Variants in B3GALT1 observed in about 807,000 individuals in gnomAD.
The protein encoded by B3GALT1 is beta-1,3-galactosyltransferase 1, also known as UDP-Gal:betaGlcNAc beta 1,3-galactosyltransferase, polypeptide 1.
In B3GALT1, 10 loss-of-function variants were observed where a neutral mutation model predicts 23.2. That is an observed-to-expected ratio of 0.43 (90% CI 0.27 to 0.73). The LOEUF is 0.73. Among genes scored for constraint, B3GALT1 ranks in the 30% least tolerant of loss-of-function variants. B3GALT1 has a pLI of 0.21. For synonymous variants in B3GALT1, 156 were observed against 141.5 expected (o/e 1.10, Z -0.73); for missense variants, 299 against 405.4 (o/e 0.74, Z 2.25).
At chr2:167,596,630 C>T (rs185666978) in intron 2 of B3GALT1, among the ~76,000 whole-genome samples, 24 of 152,078 alleles carry the variant, frequency 1.6e-4, no homozygotes, top group African/African-American at 3.6e-4. Context: ...CTAATTTCTC[C>T]GTCTCTTAAG....
intron 3 of B3GALT1, among the ~76,000 whole-genome samples, chr2:167,742,279 T>C (rs55746385): frequency 0.1 from 15,147 of 152,230 alleles, 1,021 homozygotes; most frequent in Middle Eastern, 0.2. Flanking sequence ...CTTGGCTGTT[T>C]CCTGCCTGAT....
Position 167,823,278 on chromosome 2 carries a change from TGG to T in B3GALT1, c.-230+4486_-230+4487del, listed in dbSNP as rs1228918959. ...GGCTTATTTGTTACAGCTGCTGGTG[TGG>T]ACCTAACAGAGAGTATGCATCTTTC... On this transcript the variant is annotated intron_variant, in intron 4 of 4. Transcript: ENST00000392690. 4.6e-5 allele frequency among the ~76,000 whole-genome samples: 7 copies of T among 152,330 alleles called. No individual in the cohort carries two copies. The East Asian group carries it at 1.3e-3, about 29-fold the overall frequency.
At chr2:167,583,050 C>T (rs73026076) in intron 2 of B3GALT1, among the ~76,000 whole-genome samples, 5,412 of 152,274 alleles carry the variant, frequency 0.036, 348 homozygotes, top group African/African-American at 0.12. Context: ...TACCCCACAC[C>T]ACAGTCTTTT....
chr2:167,861,176 T>C (rs1372737832), intron 4 of B3GALT1, among the ~76,000 whole-genome samples: 1 of 152,216 alleles, frequency 6.6e-6, no homozygotes, highest in Non-Finnish European at 1.5e-5. Flanking sequence ...TTCAACACGT[T>C]ATTAAGAAAT....
intron 1 of B3GALT1, among the ~76,000 whole-genome samples, chr2:167,357,261 A>G (rs1697430814): frequency 6.6e-6 from 1 of 152,096 alleles, no homozygotes. Context: ...TTTCTCTTAT[A>G]GTAAAAATGT....
At chr2:167,426,323 GGA>G (rs1698623900) in intron 1 of B3GALT1, among the ~76,000 whole-genome samples, 1 of 148,786 alleles carries the variant, frequency 6.7e-6, no homozygotes, top group Non-Finnish European at 1.5e-5. Flanking sequence ...CGCCCAGGCT[GGA>G]GCGCAGTGGT....
chr2:167,813,999 A>C (rs1330833018), intron 3 of B3GALT1, among the ~76,000 whole-genome samples: 1 of 152,208 alleles, frequency 6.6e-6, no homozygotes, highest in Non-Finnish European at 1.5e-5. Context: ...CTGGCTGCAA[A>C]AATCTTTTAT....
At chr2:167,840,305 T>A (rs1309404253) in intron 4 of B3GALT1, among the ~76,000 whole-genome samples, 2 of 151,900 alleles carry the variant, frequency 1.3e-5, no homozygotes, top group Non-Finnish European at 2.9e-5. Flanking sequence ...ATATCCAGAA[T>A]CTACAATGAA....
chr2:167,827,310 A>G (rs1212019819), intron 4 of B3GALT1, among the ~76,000 whole-genome samples: 3 of 152,234 alleles, frequency 2.0e-5, no homozygotes, highest in Admixed American at 6.5e-5. Flanking sequence ...GCAGGGTACA[A>G]GGTGGTCTAT....
At chr2:167,623,054 C>T (rs990216652) in intron 2 of B3GALT1, among the ~76,000 whole-genome samples, 1 of 152,064 alleles carries the variant, frequency 6.6e-6, no homozygotes, top group Non-Finnish European at 1.5e-5. Flanking sequence ...ATAGTCATGT[C>T]AAAGCCACAA....
At chr2:167,478,648 T>C (rs1041282041) in intron 1 of B3GALT1, among the ~76,000 whole-genome samples, 3 of 151,978 alleles carry the variant, frequency 2.0e-5, no homozygotes, top group South Asian at 2.1e-4. Context: ...ACATGTGCCA[T>C]GTTGGTGTGC....
intron 1 of B3GALT1, among the ~76,000 whole-genome samples, chr2:167,322,248 C>G (rs1384977385): frequency 6.6e-6 from 1 of 150,782 alleles, no homozygotes; most frequent in Non-Finnish European, 1.5e-5. Context: ...AAAATTGTCC[C>G]ATAATTTCCA....
At chr2:167,470,264 T>C (rs776461204) in intron 1 of B3GALT1, among the ~76,000 whole-genome samples, 10 of 152,198 alleles carry the variant, frequency 6.6e-5, no homozygotes, top group South Asian at 2.1e-4. Context: ...GTAATCATTT[T>C]CTACTGTCAG....
intron 1 of B3GALT1, among the ~76,000 whole-genome samples, chr2:167,323,092 A>G (rs1696838338): frequency 1.5e-5 from 1 of 65,000 alleles, no homozygotes; most frequent in South Asian, 7.0e-4. Flanking sequence ...ACAATAAAAC[A>G]TTATTATGAT....
At chr2:167,417,685 G>A (rs78527564) in intron 1 of B3GALT1, among the ~76,000 whole-genome samples, 9,056 of 152,228 alleles carry the variant, frequency 0.059, 422 homozygotes, top group African/African-American at 0.13. Flanking sequence ...GTGGCTTTAG[G>A]AATAAGGGTT....
intron 3 of B3GALT1, among the ~76,000 whole-genome samples, chr2:167,716,429 A>G (rs1257985146): frequency 6.6e-6 from 1 of 152,212 alleles, no homozygotes; most frequent in African/African-American, 2.4e-5. Context: ...TTTGATCATT[A>G]TATAATCTCT....
chr2:167,568,579 T>C (rs955061875), intron 2 of B3GALT1, among the ~76,000 whole-genome samples: 11 of 152,016 alleles, frequency 7.2e-5, no homozygotes, highest in African/African-American at 2.7e-4. Context: ...TTTAATTGGG[T>C]TGTTTGTTTT....
intron 1 of B3GALT1, among the ~76,000 whole-genome samples, chr2:167,415,457 T>C (rs950888235): frequency 6.6e-6 from 1 of 152,218 alleles, no homozygotes; most frequent in African/African-American, 2.4e-5. Flanking sequence ...AATATTCTTT[T>C]ATAAATGATG....
intron 1 of B3GALT1, among the ~76,000 whole-genome samples, chr2:167,400,180 G>GTGTGTGTGTGTGTC (rs1559085414): frequency 6.6e-6 from 1 of 151,246 alleles, no homozygotes; most frequent in African/African-American, 2.4e-5. Flanking sequence ...GTGTGTGTGT[G>GTGTGTGTGTGTGTC]TGTGTGTGTG....
Sources: gnomAD v4.1 joint callset for allele counts (sites outside exome capture counted in the v4.1 genomes callset) on GRCh38, gnomAD v4.1.1 for gene constraint, MANE v1.5 for transcripts, NCBI Gene and HGNC (gene_info 2026-07-23, HGNC 2026-07-21) for gene names.